Variants in TSHZ1 observed in about 807,000 individuals in gnomAD.
The protein encoded by TSHZ1 is teashirt zinc finger homeobox 1.
Under a neutral mutation model 67.1 loss-of-function variants are expected in TSHZ1, and 12 were observed. That is an observed-to-expected ratio of 0.18 (90% confidence interval 0.11 to 0.29). The LOEUF is 0.29. Among genes scored for constraint, TSHZ1 ranks in the 10% least tolerant of loss-of-function variants. TSHZ1 has a pLI of 1.00. For synonymous variants in TSHZ1, 632 were observed against 622.4 expected (o/e 1.02, Z -0.23); for missense variants, 1,305 against 1,413.9 (o/e 0.92, Z 1.23).
chr18:75,218,456 A>G (rs2022801751), intron 1 of TSHZ1, among the ~76,000 whole-genome samples: 1 of 152,204 alleles, frequency 6.6e-6, no homozygotes, highest in African/African-American at 2.4e-5. Context: ...CCTCCTGTAC[A>G]GTTATTAGCT....
At chr18:75,253,984 G>T (rs572218904) in intron 1 of TSHZ1, among the ~76,000 whole-genome samples, 1 of 152,200 alleles carries the variant, frequency 6.6e-6, no homozygotes, top group African/African-American at 2.4e-5. Context: ...TTCCTGTTGC[G>T]TAATCTCCAG....
intron 1 of TSHZ1, among the ~76,000 whole-genome samples, chr18:75,270,588 A>G (rs553780094): frequency 6.6e-6 from 1 of 152,316 alleles, no homozygotes; most frequent in South Asian, 2.1e-4. Flanking sequence ...ATTTGAGATT[A>G]GATTTCAATA....
At chr18:75,271,734 C>T (rs528934518) in intron 1 of TSHZ1, among the ~76,000 whole-genome samples, 2 of 151,728 alleles carry the variant, frequency 1.3e-5, no homozygotes, top group Non-Finnish European at 2.9e-5. Context: ...CCCCCCTCCC[C>T]GCTTCCTGGT....
At chr18:75,212,071 C>A (rs1334049557) in intron 1 of TSHZ1, among the ~76,000 whole-genome samples, 155 bp downstream of exon 1, 1 of 152,042 alleles carries the variant, frequency 6.6e-6, no homozygotes, top group Non-Finnish European at 1.5e-5. Flanking sequence ...CTGGAGGCTG[C>A]GGTCGCCGTC....
At chr18:75,225,691 C>T (rs1041632340) in intron 1 of TSHZ1, among the ~76,000 whole-genome samples, 2 of 151,646 alleles carry the variant, frequency 1.3e-5, no homozygotes, top group African/African-American at 2.4e-5. Context: ...CTGGTGGGCT[C>T]GCACGCCATC....
chr18:75,262,446 C>T (rs1333901845), intron 1 of TSHZ1, among the ~76,000 whole-genome samples: 1 of 152,058 alleles, frequency 6.6e-6, no homozygotes, highest in Non-Finnish European at 1.5e-5. Context: ...CAGGTGCTAC[C>T]CAGACTATAG....
At chr18:75,261,371 A>G (rs540752603) in intron 1 of TSHZ1, among the ~76,000 whole-genome samples, 1 of 152,328 alleles carries the variant, frequency 6.6e-6, no homozygotes, top group African/African-American at 2.4e-5. Context: ...TCACCTCTTT[A>G]CAGAAAGACA....
At chr18:75,231,920 TA>T (rs1461911336) in intron 1 of TSHZ1, among the ~76,000 whole-genome samples, 1 of 151,896 alleles carries the variant, frequency 6.6e-6, no homozygotes, top group East Asian at 1.9e-4. Context: ...CTTATTTATT[TA>T]TTTTTGAGAC....
chr18:75,284,841 T>C (rs1057145211), intron 1 of TSHZ1: 1 of 152,350 alleles, frequency 6.6e-6, no homozygotes, highest in Non-Finnish European at 1.5e-5. Context: ...CTCTGGGCCT[T>C]GGTGAACAAC....
At position 75,288,493 on chromosome 18, in the gene TSHZ1, C is replaced by G; in HGVS notation, c.3086C>G (p.Thr1029Ser). 6.2e-7 allele frequency: 1 copy of G among 1,614,184 alleles called. No homozygotes were observed. The highest frequency in any genetic ancestry group is 8.5e-7 in the Non-Finnish European group (1 of 1,180,040). ...AAAACTCTGGGCCCACTGGGGGCCA[C>G]CGAGGAAGACTTGGGCTCCACATTC... ...TNKTLGPLGATEEDLGSTFQC... is the reference protein window; with the variant it reads ...TNKTLGPLGASEEDLGSTFQC... Residue 1029 changes from threonine (T) to serine (S), a missense_variant, in exon 2 of 2, where the codon ACC (threonine) becomes AGC (serine). Thr to Ser is a moderately conservative substitution (Grantham distance 58, BLOSUM62 1). Transcript: ENST00000580243. This position sits in a 1 kb window ranked among gnomAD's most constrained non-coding sequence, Gnocchi z 4.9.
chr18:75,262,734 T>C (rs1978899), intron 1 of TSHZ1, among the ~76,000 whole-genome samples: 119,665 of 152,152 alleles, frequency 0.79, 47,207 homozygotes, highest in South Asian at 0.87. Flanking sequence ...CTTATGTAGT[T>C]CCTCTTCTCA....
chr18:75,212,473 G>A (rs1473042303), intron 1 of TSHZ1, among the ~76,000 whole-genome samples: 1 of 152,074 alleles, frequency 6.6e-6, no homozygotes, highest in Non-Finnish European at 1.5e-5. Flanking sequence ...TGATAGTGCA[G>A]ACTCTGATTG....
intron 1 of TSHZ1, among the ~76,000 whole-genome samples, chr18:75,279,697 G>A (rs1343401668): frequency 6.6e-6 from 1 of 152,226 alleles, no homozygotes; most frequent in Non-Finnish European, 1.5e-5. Context: ...GACACCATCT[G>A]CATCCCTGAT....
At chr18:75,224,251 C>T (rs892084289) in intron 1 of TSHZ1, among the ~76,000 whole-genome samples, 1 of 152,116 alleles carries the variant, frequency 6.6e-6, no homozygotes, top group Non-Finnish European at 1.5e-5. Flanking sequence ...CGTCTGTCTT[C>T]TTTAATTATT....
At chr18:75,271,152 C>T (rs1258614991) in intron 1 of TSHZ1, among the ~76,000 whole-genome samples, 8 of 152,132 alleles carry the variant, frequency 5.3e-5, no homozygotes, top group East Asian at 3.8e-4. Context: ...GTGGTTGCAG[C>T]GTGGACTCAG....
At chr18:75,277,727 A>G (rs981980231) in intron 1 of TSHZ1, among the ~76,000 whole-genome samples, 1 of 152,094 alleles carries the variant, frequency 6.6e-6, no homozygotes, top group African/African-American at 2.4e-5. Context: ...TTCTGCCATT[A>G]CTGTGGGGGG....
chr18:75,225,824 A>G (rs921151913), intron 1 of TSHZ1, among the ~76,000 whole-genome samples: 1 of 152,154 alleles, frequency 6.6e-6, no homozygotes, highest in Non-Finnish European at 1.5e-5. Flanking sequence ...TAGCTTCTCC[A>G]TGTTGATTTT....
In TSHZ1 at chr18:75,271,765, G is replaced by A. The variant is rs562864476; in HGVS notation, c.41-13683G>A. Among the ~76,000 whole-genome samples the A allele has an allele frequency of 6.4e-5, 6 of 94,328 alleles. No individual in the cohort carries two copies. The East Asian group carries it at 1.6e-3, about 25-fold the overall frequency. The allele number at this position is 94,328 out of a possible 152,430, so 61.9% of individuals were successfully genotyped here. On this transcript the variant is annotated intron_variant, in intron 1 of 1. Coordinates refer to ENST00000580243, the MANE Select transcript of TSHZ1 (RefSeq NM_001308210.2). ...CTGGTCCCCTCCCCACCCCCTTAAC[G>A]CACCTGATCAAAACATTATCACTGA...
Position 75,288,296 on chromosome 18 carries a change from G to C in TSHZ1, c.2889G>C (p.Leu963=), listed in dbSNP as rs188787024. The C allele has an allele frequency of 6.2e-7, 1 of 1,614,178 alleles. No individual in the cohort carries two copies. The highest frequency in any genetic ancestry group is 1.1e-5 in the South Asian group (1 of 91,088). Residue 963 remains leucine (L), a synonymous_variant, in exon 2 of 2, where the codon CTG becomes CTC. Transcript: ENST00000580243. The surrounding 1 kb of genome is among the most constrained non-coding windows in gnomAD (Gnocchi z 4.9). ...RTGGTKFLKN[L]DTGHPVFFCN... is the part of the protein sequence containing the mutation. Reference sequence around the variant, plus strand: ...GGGGAACGAAATTCCTAAAGAACCTGGACACAGGGCATCCTGTTTTCTTTT... The same window carrying C: ...GGGGAACGAAATTCCTAAAGAACCTCGACACAGGGCATCCTGTTTTCTTTT...
Sources: allele counts gnomAD v4.1 joint callset (sites outside exome capture counted in the v4.1 genomes callset), GRCh38; gene constraint gnomAD v4.1.1; non-coding constraint Gnocchi (gnomAD v3.1); transcripts MANE v1.5; gene names NCBI Gene and HGNC (gene_info 2026-07-23, HGNC 2026-07-21).